The following RBFOX1 variants were observed in gnomAD, a reference collection of about 807,000 sequenced individuals.
RBFOX1 encodes RNA binding fox-1 homolog 1.
A neutral mutation model predicts 57.7 loss-of-function variants in RBFOX1; 8 were observed. The observed-to-expected ratio is 0.14, with a 90% CI of 0.08 to 0.25. The LOEUF is 0.25. RBFOX1 is among the 10% of genes least tolerant of loss of function. The pLI, the probability that RBFOX1 is intolerant of heterozygous loss-of-function variation, is 1.00. For missense variants in RBFOX1, 611 were observed against 548.5 expected (o/e 1.11, Z -1.14); for synonymous variants, 326 against 222.4 (o/e 1.47, Z -4.15).
chr16:6,285,070 C>G (rs886593817), intron 1 of RBFOX1, among the ~76,000 whole-genome samples: 1 of 152,016 alleles, frequency 6.6e-6, no homozygotes, highest in African/African-American at 2.4e-5. Context: ...ATGTTGATTT[C>G]TTCGTTGTTG....
chr16:6,170,381 A>G (rs925249281), intron 1 of RBFOX1, among the ~76,000 whole-genome samples: 2 of 152,130 alleles, frequency 1.3e-5, no homozygotes, highest in Non-Finnish European at 2.9e-5. Context: ...CATGTAATCA[A>G]TCTGCAGTAA....
chr16:5,839,806 C>A (rs1264551239), intron 3 of RBFOX1, among the ~76,000 whole-genome samples: 1 of 152,148 alleles, frequency 6.6e-6, no homozygotes, highest in Non-Finnish European at 1.5e-5. Flanking sequence ...TTTCTTGAGG[C>A]TATTTTTAAA....
intron 13 of RBFOX1, among the ~76,000 whole-genome samples, chr16:7,665,947 C>T (rs2069121327): frequency 1.3e-5 from 2 of 152,130 alleles, no homozygotes; most frequent in Non-Finnish European, 2.9e-5. Flanking sequence ...CAATAATAGA[C>T]TTAGTTGAGT....
chr16:7,623,576 T>C (rs1202159637), intron 10 of RBFOX1, among the ~76,000 whole-genome samples: 1 of 152,136 alleles, frequency 6.6e-6, no homozygotes, highest in African/African-American at 2.4e-5. Flanking sequence ...TAACATGAAG[T>C]AACATGAACA....
chr16:7,135,803 C>A (rs79939548), intron 4 of RBFOX1, among the ~76,000 whole-genome samples: 5,487 of 152,258 alleles, frequency 0.036, 346 homozygotes, highest in African/African-American at 0.12. Context: ...GGCCTCATTC[C>A]ACTTATTTCT....
intron 2 of RBFOX1, among the ~76,000 whole-genome samples, chr16:6,533,818 G>A (rs776781280): frequency 5.9e-5 from 9 of 152,034 alleles, no homozygotes; most frequent in Non-Finnish European, 8.8e-5. Flanking sequence ...ACTGAGCATG[G>A]TCAACATTTT....
intron 1 of RBFOX1, among the ~76,000 whole-genome samples, chr16:6,208,730 A>T (rs2097272045): frequency 6.6e-6 from 1 of 152,176 alleles, no homozygotes; most frequent in Non-Finnish European, 1.5e-5. Context: ...AAAAAAAAAT[A>T]TGCATTTCTG....
rs1026290453 is a variant in RBFOX1, at chr16:6,411,196, T to G, written c.-64+94139T>G. On this transcript the variant is annotated intron_variant, in intron 2 of 15. Transcript: ENST00000550418. ...TGGAGTCTTGCAAAGTGGTCCAAGT[T>G]GGTCTTGAACCCCTGGGGCAAGCAG... Among the ~76,000 whole-genome samples the G allele has an allele frequency of 2.0e-5, 3 of 152,256 alleles. No individual in the cohort carries two copies. The South Asian group carries it at 6.2e-4, about 32-fold the overall frequency.
chr16:6,677,289 G>C (rs147938939), intron 3 of RBFOX1, among the ~76,000 whole-genome samples: 2 of 152,206 alleles, frequency 1.3e-5, no homozygotes, highest in African/African-American at 2.4e-5. Flanking sequence ...ATTAAGGGTG[G>C]TCAACACATC....
chr16:6,014,651 C>T (rs1351825292), upstream of RBFOX1, among the ~76,000 whole-genome samples: 1 of 152,112 alleles, frequency 6.6e-6, no homozygotes, highest in Non-Finnish European at 1.5e-5. Context: ...CATTAGTTGA[C>T]TCCGTTTGTG....
chr16:7,061,160 T>C (rs1046698281), intron 4 of RBFOX1, among the ~76,000 whole-genome samples: 3 of 152,186 alleles, frequency 2.0e-5, no homozygotes, highest in African/African-American at 2.4e-5. Context: ...CCCAAAGTAA[T>C]TAGTTCTCTA....
chr16:6,077,842 G>C (rs999260479), intron 1 of RBFOX1, among the ~76,000 whole-genome samples: 1 of 151,922 alleles, frequency 6.6e-6, no homozygotes, highest in East Asian at 1.9e-4. Flanking sequence ...CTGCCTCTTA[G>C]AGCTTTTGGG....
At chr16:7,470,679 G>C (rs534462814) in intron 4 of RBFOX1, among the ~76,000 whole-genome samples, 2 of 152,202 alleles carry the variant, frequency 1.3e-5, no homozygotes, top group African/African-American at 2.4e-5. Context: ...TGTATGGTTA[G>C]ATGGAAGAGT....
intron 14 of RBFOX1, among the ~76,000 whole-genome samples, chr16:7,700,169 C>T (rs570096788): frequency 2.0e-5 from 3 of 152,140 alleles, no homozygotes; most frequent in African/African-American, 2.4e-5. Flanking sequence ...GTAGCTCTGA[C>T]ACATGTACCC....
intron 4 of RBFOX1, among the ~76,000 whole-genome samples, chr16:7,464,280 T>A (rs561074605): frequency 2.8e-4 from 43 of 152,286 alleles, no homozygotes; most frequent in South Asian, 1.0e-3. Context: ...AGCTCCCCAG[T>A]AGGAGCCAGT....
At chr16:6,231,807 T>C (rs959420774) in intron 1 of RBFOX1, among the ~76,000 whole-genome samples, 10 of 151,008 alleles carry the variant, frequency 6.6e-5, no homozygotes, top group Non-Finnish European at 1.0e-4. Context: ...TTATGACTAA[T>C]TGGAAAAATT....
At chr16:7,452,433 G>A (rs571544203) in intron 4 of RBFOX1, among the ~76,000 whole-genome samples, 1 of 152,202 alleles carries the variant, frequency 6.6e-6, no homozygotes, top group East Asian at 1.9e-4. Flanking sequence ...ATTCCATGAG[G>A]TTACGTTGGT....
At chr16:5,665,039 AT>A (rs1173586914) in intron 3 of RBFOX1, among the ~76,000 whole-genome samples, 1 of 148,740 alleles carries the variant, frequency 6.7e-6, no homozygotes, top group Non-Finnish European at 1.5e-5. Context: ...TCTACCTCCC[AT>A]GCTCAAATGA....
intron 2 of RBFOX1, among the ~76,000 whole-genome samples, chr16:6,607,407 C>T (rs2097949920): frequency 7.8e-6 from 1 of 128,434 alleles, no homozygotes; most frequent in African/African-American, 2.9e-5. Context: ...TTAGGTCTTT[C>T]AGTCTCTCTC....
Sources: gnomAD v4.1 joint callset for allele counts (sites outside exome capture counted in the v4.1 genomes callset) on GRCh38, gnomAD v4.1.1 for gene constraint, MANE v1.5 for transcripts, NCBI Gene and HGNC (gene_info 2026-07-23, HGNC 2026-07-21) for gene names.